Variants in MCC observed in about 807,000 individuals in gnomAD.
The protein encoded by MCC is MCC regulator of Wnt signaling pathway, also known as colorectal mutant cancer protein.
MCC carries 90 observed loss-of-function variants against 116.2 expected under a neutral mutation model. The observed-to-expected ratio is 0.77, with a 90% CI of 0.65 to 0.92. The LOEUF is 0.92. MCC is among the 40% of genes least tolerant of loss of function. The probability of loss-of-function intolerance (pLI) is 0.00; values close to 1 mark genes in which losing one functional copy is unlikely to be tolerated. For missense variants in MCC, 1,516 were observed against 1,312.2 expected, an observed-to-expected ratio of 1.16 and a Z score of -2.40; for synonymous variants, 578 against 510.5, an observed-to-expected ratio of 1.13 and a Z score of -1.78.
At chr5:113,402,084 G>A (rs13356396) in intron 1 of MCC, among the ~76,000 whole-genome samples, 10,486 of 151,730 alleles carry the variant, frequency 0.069, 792 homozygotes, top group African/African-American at 0.18. Context: ...CACGAGGTCC[G>A]GAGATCAAGA....
chr5:113,044,764 G>A (rs1382816275), intron 16 of MCC, among the ~76,000 whole-genome samples: 1 of 152,116 alleles, frequency 6.6e-6, no homozygotes, highest in Non-Finnish European at 1.5e-5. Flanking sequence ...AGTAGAGACG[G>A]GGTTTCTCCA....
intron 15 of MCC, among the ~76,000 whole-genome samples, chr5:113,050,695 C>T (rs1194753899): frequency 3.9e-5 from 6 of 152,186 alleles, no homozygotes; most frequent in South Asian, 2.1e-4. Context: ...ATGTGATGGT[C>T]GCTTCCAGAA....
chr5:113,395,578 A>G (rs1769507553), intron 1 of MCC, among the ~76,000 whole-genome samples: 1 of 152,172 alleles, frequency 6.6e-6, no homozygotes, highest in Admixed American at 6.5e-5. Context: ...CTCTTGCAAT[A>G]TATGAATTCA....
chr5:113,242,793 T>A (rs552554290), intron 3 of MCC, among the ~76,000 whole-genome samples: 147 of 152,000 alleles, frequency 9.7e-4, no homozygotes, highest in African/African-American at 3.4e-3. Context: ...TTCCCTTCCA[T>A]CTCACCAAAA....
At position 113,064,068 on chromosome 5, in the gene MCC, A is replaced by G. The variant is rs1308923079; in HGVS notation, c.2129T>C (p.Leu710Pro). 1.9e-6 allele frequency: 3 copies of G among 1,614,124 alleles called. No homozygotes were observed. The highest frequency in any genetic ancestry group is 2.7e-5 in the African/African-American group (2 of 74,958). Residue 710 changes from leucine to proline, a missense_variant, in exon 14 of 19, where the codon CTG (leucine) becomes CCG (proline). By Grantham distance (98) the Leu-to-Pro change is moderately conservative (BLOSUM62 -3). Coordinates refer to ENST00000408903, the MANE Select transcript of MCC (RefSeq NM_001085377.2). ...AAAGGCTCCCCCACAGCTGCCGTCC[A>G]GCTTCATGAGCAGGGCCTTGGCAGC... is the stretch of plus-strand genomic sequence containing the variant. Reference protein sequence around the residue: ...ENAAKALLMKLDGSCGGAFAV... With the variant: ...ENAAKALLMKPDGSCGGAFAV...
In MCC at chr5:113,385,088, G is replaced by A; in HGVS notation, c.295C>T (p.Gln99Ter). The A allele has an allele frequency of 6.2e-7, 1 of 1,614,184 alleles. No individual in the cohort carries two copies. Among genetic ancestry groups the A allele is most frequent in the South Asian group, 1.1e-5 (1 of 91,082 alleles). Residue 99 changes from glutamine to a stop codon, truncating the protein, a stop_gained, in exon 2 of 19, where the codon CAG (glutamine) becomes TAG (stop). Transcript: ENST00000408903. LOFTEE classifies it high-confidence loss of function. ...SFQDFTRCRM[Q>*]LVREIRKEEV... Reference sequence around the variant, plus strand: ...TCCTTCCTAATTTCTCGAACAAGCTGCATGCGGCATCTTGTGAAATCCTGA... The same window carrying A: ...TCCTTCCTAATTTCTCGAACAAGCTACATGCGGCATCTTGTGAAATCCTGA...
intron 9 of MCC, 64 bp from the exon 10 acceptor site, chr5:113,084,254 C>G (rs1386768849): frequency 3.1e-6 from 4 of 1,281,574 alleles, no homozygotes; most frequent in Admixed American, 3.4e-5. Flanking sequence ...ACTGTTGGGA[C>G]TACGCTTATA....
chr5:113,213,868 A>T (rs1289584663), intron 3 of MCC, among the ~76,000 whole-genome samples: 1 of 152,214 alleles, frequency 6.6e-6, no homozygotes, highest in Admixed American at 6.5e-5. Context: ...GAGGACAGAC[A>T]AATCAGCTAA....
intron 1 of MCC, among the ~76,000 whole-genome samples, chr5:113,405,699 T>G (rs1769811772): frequency 1.3e-5 from 2 of 151,890 alleles, no homozygotes; most frequent in Non-Finnish European, 2.9e-5. Context: ...CCTAGCTACT[T>G]AGAAAGCTAA....
intron 2 of MCC, among the ~76,000 whole-genome samples, chr5:113,357,424 TAGTC>T (rs1293174405): frequency 6.6e-6 from 1 of 152,136 alleles, no homozygotes; most frequent in African/African-American, 2.4e-5. Flanking sequence ...TTACAGTAGG[TAGTC>T]AGGCATGAGC....
At chr5:113,464,933 T>G (rs1029084671) in intron 1 of MCC, among the ~76,000 whole-genome samples, 6 of 152,118 alleles carry the variant, frequency 3.9e-5, no homozygotes, top group African/African-American at 1.4e-4. Context: ...TAAAAAAGAC[T>G]TGAATAAATG....
At chr5:113,341,945 C>T (rs1457340249) in intron 2 of MCC, among the ~76,000 whole-genome samples, 1 of 152,144 alleles carries the variant, frequency 6.6e-6, no homozygotes, top group Non-Finnish European at 1.5e-5. Flanking sequence ...ATCACCCGAA[C>T]AGTGTACGCT....
chr5:113,043,651 C>G, intron 16 of MCC, 21 bp from the exon 17 acceptor site: 1 of 1,567,346 alleles, frequency 6.4e-7, no homozygotes, highest in South Asian at 1.1e-5. Context: ...CAAACACATT[C>G]CAGTTAGGCC....
Position 113,128,200 on chromosome 5 carries a change from T to G in MCC, c.885-5374A>C, listed in dbSNP as rs558297323. 1.4e-4 allele frequency among the ~76,000 whole-genome samples: 22 copies of G among 152,354 alleles called. No individual in the cohort carries two copies. The East Asian group carries it at 3.1e-3, about 21-fold the overall frequency. ...ACTATCCACATTATCTATCTCATTT[T>G]GGGTGCACATTCATGCCTTCCATTG... On this transcript the variant is annotated intron_variant, in intron 5 of 18. Transcript: ENST00000408903.
chr5:113,131,451 G>C (rs927812005), intron 5 of MCC, among the ~76,000 whole-genome samples: 1 of 152,130 alleles, frequency 6.6e-6, no homozygotes, highest in Non-Finnish European at 1.5e-5. Context: ...TTTTCAGAAG[G>C]CCTTATGTAT....
intron 3 of MCC, among the ~76,000 whole-genome samples, chr5:113,279,641 A>C (rs1765959128): frequency 6.6e-6 from 1 of 152,230 alleles, no homozygotes; most frequent in Non-Finnish European, 1.5e-5. Flanking sequence ...CCATCTTCTA[A>C]TACTATTCAT....
At chr5:113,213,244 A>C (rs752066860) in intron 3 of MCC, among the ~76,000 whole-genome samples, 12 of 152,238 alleles carry the variant, frequency 7.9e-5, no homozygotes, top group Non-Finnish European at 1.3e-4. Flanking sequence ...AGGAATAAAC[A>C]TTAAAGCAAT....
chr5:113,446,427 T>C (rs934896844), intron 1 of MCC, among the ~76,000 whole-genome samples: 4 of 63,534 alleles, frequency 6.3e-5, no homozygotes, highest in Non-Finnish European at 2.2e-4. Flanking sequence ...TGTTAAAAAG[T>C]GGGCAAAAGA....
chr5:113,121,763 C>T (rs1757749323), intron 6 of MCC, among the ~76,000 whole-genome samples: 2 of 152,222 alleles, frequency 1.3e-5, no homozygotes, highest in Admixed American at 6.5e-5. Flanking sequence ...ATATGCAACT[C>T]TTCTTTCTCC....
Sources: gnomAD v4.1 joint callset for allele counts (sites outside exome capture counted in the v4.1 genomes callset) on GRCh38, gnomAD v4.1.1 for gene constraint, MANE v1.5 for transcripts, NCBI Gene and HGNC (gene_info 2026-07-23, HGNC 2026-07-21) for gene names.